SNTG1: variants seen among roughly 807,000 people sequenced by gnomAD.
SNTG1 encodes the protein syntrophin gamma 1.
Under a neutral mutation model 74.7 loss-of-function variants are expected in SNTG1, and 39 were observed. The ratio of observed to expected loss-of-function variants is 0.52; its 90% CI spans 0.40 to 0.68. The LOEUF (loss-of-function observed/expected upper bound fraction) is 0.68, where lower values mean the gene tolerates loss of function less well. Ranked by LOEUF, SNTG1 falls within the 30% of genes least tolerant of loss-of-function variation. The pLI is 0.00. For synonymous variants in SNTG1, 254 were observed against 217.1 expected (o/e 1.17, Z -1.49); for missense variants, 685 against 609.5 (o/e 1.12, Z -1.30).
intron 2 of SNTG1, among the ~76,000 whole-genome samples, chr8:50,384,141 C>T (rs968237569): frequency 5.3e-5 from 8 of 152,126 alleles, no homozygotes; most frequent in African/African-American, 1.9e-4. Flanking sequence ...TATACAGCTT[C>T]CTGGAGAACT....
chr8:50,155,820 C>G (rs1249438058), intron 1 of SNTG1, among the ~76,000 whole-genome samples: 1 of 151,542 alleles, frequency 6.6e-6, no homozygotes, highest in Non-Finnish European at 1.5e-5. Context: ...TAACAGAAAA[C>G]AAACATAAGA....
At chr8:49,942,967 CA>C (rs112859882) in intron 1 of SNTG1, among the ~76,000 whole-genome samples, 1 of 152,130 alleles carries the variant, frequency 6.6e-6, no homozygotes, top group African/African-American at 2.4e-5. Context: ...TTATTATCTA[CA>C]AAAAATATTT....
chr8:50,500,696 C>A (rs531003564), intron 8 of SNTG1, among the ~76,000 whole-genome samples: 2 of 152,012 alleles, frequency 1.3e-5, no homozygotes, highest in African/African-American at 2.4e-5. Context: ...GTTTAGCTCA[C>A]GGGTTTGTGG....
intron 8 of SNTG1, among the ~76,000 whole-genome samples, chr8:50,486,047 T>G (rs1164536135): frequency 6.6e-6 from 1 of 152,262 alleles, no homozygotes; most frequent in Non-Finnish European, 1.5e-5. Context: ...TTTTGGTTAC[T>G]GTAGCCTTGT....
chr8:50,347,739 T>A (rs917181467), intron 2 of SNTG1, among the ~76,000 whole-genome samples: 1 of 152,240 alleles, frequency 6.6e-6, no homozygotes, highest in Non-Finnish European at 1.5e-5. Context: ...GGTGTTCAAC[T>A]AATATTTACT....
At chr8:50,616,840 TATC>T (rs908634070) in intron 13 of SNTG1, among the ~76,000 whole-genome samples, 1 of 152,202 alleles carries the variant, frequency 6.6e-6, no homozygotes, top group African/African-American at 2.4e-5. Flanking sequence ...GCCTTCTGCA[TATC>T]ACTCAGCATT....
At chr8:50,516,589 G>A (rs2130067728) in intron 9 of SNTG1, among the ~76,000 whole-genome samples, 1 of 152,246 alleles carries the variant, frequency 6.6e-6, no homozygotes, top group East Asian at 1.9e-4. Context: ...TAAGTTTAGA[G>A]AAGAATATAA....
chr8:49,953,864 C>T (rs976236615), intron 1 of SNTG1, among the ~76,000 whole-genome samples: 2 of 152,182 alleles, frequency 1.3e-5, no homozygotes, highest in African/African-American at 4.8e-5. Flanking sequence ...TATTTCAGCT[C>T]TGCAGAGGCA....
At chr8:49,942,910 T>C (rs1443583556) in intron 1 of SNTG1, among the ~76,000 whole-genome samples, 1 of 152,214 alleles carries the variant, frequency 6.6e-6, no homozygotes. Context: ...TACTGTGCTC[T>C]TTGGAAAATA....
chr8:50,240,245 C>T (rs756310725), intron 2 of SNTG1, among the ~76,000 whole-genome samples: 6 of 152,072 alleles, frequency 3.9e-5, no homozygotes, highest in Admixed American at 2.0e-4. Context: ...CAAGGCTTTG[C>T]GTATTGTTTG....
At chr8:50,373,839 G>A (rs939156934) in intron 2 of SNTG1, among the ~76,000 whole-genome samples, 2 of 151,936 alleles carry the variant, frequency 1.3e-5, no homozygotes, top group African/African-American at 2.4e-5. Context: ...ACACCTGTTC[G>A]CATGCCTTAG....
At chr8:49,940,451 T>C (rs1808583603) in intron 1 of SNTG1, among the ~76,000 whole-genome samples, 1 of 152,210 alleles carries the variant, frequency 6.6e-6, no homozygotes, top group South Asian at 2.1e-4. Flanking sequence ...TCTTTATTTC[T>C]ACCTGCTTTA....
chr8:50,599,108 A>C (rs562783199), intron 13 of SNTG1, among the ~76,000 whole-genome samples: 1 of 152,104 alleles, frequency 6.6e-6, no homozygotes, highest in South Asian at 2.1e-4. Context: ...AGCACCATTG[A>C]TTGAAGAGAC....
At chr8:50,727,474 T>C (rs1041560579) in intron 17 of SNTG1, among the ~76,000 whole-genome samples, 1 of 152,184 alleles carries the variant, frequency 6.6e-6, no homozygotes, top group African/African-American at 2.4e-5. Context: ...CAATATCCAC[T>C]GCAGTGCACA....
At chr8:50,171,058 C>T (rs983415228) in intron 1 of SNTG1, among the ~76,000 whole-genome samples, 2 of 152,086 alleles carry the variant, frequency 1.3e-5, no homozygotes, top group Admixed American at 6.5e-5. Flanking sequence ...CTACAAAATC[C>T]TTCCACCTTT....
intron 1 of SNTG1, among the ~76,000 whole-genome samples, chr8:49,968,270 C>G (rs1424198722): frequency 6.6e-6 from 1 of 152,110 alleles, no homozygotes; most frequent in East Asian, 1.9e-4. Context: ...CCAGTACTTA[C>G]CAAAACACAA....
At chr8:50,430,715 G>A (rs1381798489) in intron 4 of SNTG1, among the ~76,000 whole-genome samples, 1 of 152,094 alleles carries the variant, frequency 6.6e-6, no homozygotes, top group Non-Finnish European at 1.5e-5. Context: ...TCAGATCCAG[G>A]GCTTGTATAC....
At chr8:50,713,839 C>T (rs191287381) in intron 17 of SNTG1, among the ~76,000 whole-genome samples, 1 of 152,154 alleles carries the variant, frequency 6.6e-6, no homozygotes, top group East Asian at 1.9e-4. Context: ...GCGGGCGGAA[C>T]ATGAGGTCAA....
At chr8:50,259,515 AGAAAGAAAG>A (rs2087061133) in intron 2 of SNTG1, among the ~76,000 whole-genome samples, 7 of 37,442 alleles carry the variant, frequency 1.9e-4, no homozygotes, top group African/African-American at 3.8e-4. Context: ...AAAAAAAGAA[AGAAAGAAAG>A]AAAGAAAGAA....
Sources: allele counts gnomAD v4.1 joint callset (sites outside exome capture counted in the v4.1 genomes callset), GRCh38; gene constraint gnomAD v4.1.1; transcripts MANE v1.5; gene names NCBI Gene and HGNC (gene_info 2026-07-23, HGNC 2026-07-21).